Variants in MIB1 observed in about 807,000 individuals in gnomAD.
MIB1 encodes the protein MIB E3 ubiquitin protein ligase 1.
Under a neutral mutation model 124.5 loss-of-function variants are expected in MIB1, and 278 were observed. The observed-to-expected ratio is 2.23, with a 90% CI of 2.02 to 2.47. The LOEUF (loss-of-function observed/expected upper bound fraction) is 2.47, where lower values mean the gene tolerates loss of function less well. Ranked by LOEUF, MIB1 falls within the 30% of genes most tolerant of loss-of-function variation. The pLI, the probability that MIB1 is intolerant of heterozygous loss-of-function variation, is 0.00. For synonymous variants in MIB1, 446 were observed against 429.4 expected (o/e 1.04, Z -0.48); for missense variants, 957 against 1,254.4 (o/e 0.76, Z 3.58).
At chr18:21,820,460 C>T (rs1373093960) in intron 12 of MIB1, among the ~76,000 whole-genome samples, 2 of 152,182 alleles carry the variant, frequency 1.3e-5, no homozygotes, top group Non-Finnish European at 2.9e-5. Flanking sequence ...TTCTTAGGAT[C>T]ACCACTAGAG....
chr18:21,806,900 C>T (rs551318721), intron 10 of MIB1, among the ~76,000 whole-genome samples: 1 of 152,138 alleles, frequency 6.6e-6, no homozygotes, highest in African/African-American at 2.4e-5. Flanking sequence ...GGATTACAGG[C>T]GTGAGCCACC....
intron 1 of MIB1, among the ~76,000 whole-genome samples, chr18:21,733,695 CTTTCTTT>C (rs974009143): frequency 2.0e-4 from 30 of 152,048 alleles, no homozygotes; most frequent in Non-Finnish European, 2.2e-4. Context: ...TCATCTCGTC[CTTTCTTT>C]TTTCTTTTTT....
At chr18:21,774,010 C>T (rs2041252622) in intron 4 of MIB1, among the ~76,000 whole-genome samples, 1 of 152,120 alleles carries the variant, frequency 6.6e-6, no homozygotes, top group African/African-American at 2.4e-5. Flanking sequence ...TCTGTAAGAC[C>T]ATTCCTTGAC....
upstream of MIB1, among the ~76,000 whole-genome samples, chr18:21,739,837 C>T (rs1276320541): frequency 6.6e-6 from 1 of 151,972 alleles, no homozygotes; most frequent in Non-Finnish European, 1.5e-5. Flanking sequence ...ACCCCTTGAA[C>T]CCAGGAGGCG....
rs865884592 is a variant in MIB1 at position 21,803,923 on chromosome 18, C to T, written c.1388C>T (p.Ala463Val). Residue 463 changes from alanine (A) to valine (V), a missense_variant, in exon 10 of 21, where the codon GCT (alanine) becomes GTT (valine). Ala to Val is a moderately conservative substitution (Grantham distance 64, BLOSUM62 0). Transcript: ENST00000261537. ...RPDVDVNGQC[A>V]GHTAMQAASQ... The stretch of plus-strand genomic sequence containing the variant: ...AAAATGTAGGTAAATGGGCAATGTG[C>T]TGGCCACACAGCTATGCAAGCTGCT... The T allele has an allele frequency of 6.2e-7, 1 of 1,612,834 alleles. No homozygotes were observed. The highest frequency in any genetic ancestry group is 8.5e-7 in the Non-Finnish European group (1 of 1,179,248).
intron 10 of MIB1, among the ~76,000 whole-genome samples, chr18:21,815,044 TATATATATATATAA>T (rs1180387599): frequency 8.0e-6 from 1 of 125,642 alleles, no homozygotes; most frequent in African/African-American, 3.4e-5. Context: ...TATATATATA[TATATATATATATAA>T]AATTATATAT....
Position 21,849,249 on chromosome 18 carries a change from T to A in MIB1, c.2447T>A (p.Leu816Ter). The A allele has an allele frequency of 6.2e-7, 1 of 1,610,604 alleles. No individual in the cohort carries two copies. The highest frequency in any genetic ancestry group is 8.5e-7 in the Non-Finnish European group (1 of 1,178,336). The change falls in exon 17 of 21, where the codon TTA (leucine) becomes TAA (stop). Residue 816 changes from leucine (L) to a stop codon, truncating the protein, a stop_gained. Transcript: ENST00000261537. LOFTEE classifies it high-confidence loss of function. Reference sequence around the variant, plus strand: ...ATGATTAGTAATGATTCTGAAACCTTAGAAGAGTGTATGGTGTGCTCAGAT... The same window carrying A: ...ATGATTAGTAATGATTCTGAAACCTAAGAAGAGTGTATGGTGTGCTCAGAT... ...PSMISNDSETLEECMVCSDMK... is the reference protein window; with the variant it reads ...PSMISNDSET
chr18:21,764,734 A>C (rs12964415), intron 1 of MIB1, among the ~76,000 whole-genome samples: 5,974 of 147,550 alleles, frequency 0.04, 272 homozygotes, highest in Admixed American at 0.12. Flanking sequence ...TTTTGAAAAA[A>C]AAAACAAAAC....
intron 1 of MIB1, among the ~76,000 whole-genome samples, chr18:21,750,834 C>T (rs1390843009): frequency 6.6e-6 from 1 of 152,104 alleles, no homozygotes; most frequent in Non-Finnish European, 1.5e-5. Context: ...AAATTAGTCC[C>T]AAATTTTTGT....
chr18:21,850,017 T>G (rs1157658801), intron 17 of MIB1, among the ~76,000 whole-genome samples: 1 of 152,178 alleles, frequency 6.6e-6, no homozygotes, highest in Non-Finnish European at 1.5e-5. Context: ...CTTTACATTA[T>G]GTCCCATCTG....
chr18:21,778,019 C>CTGAA (rs2041311619), intron 4 of MIB1, 84 bp from the exon 5 acceptor site: 1 of 921,834 alleles, frequency 1.1e-6, no homozygotes, highest in African/African-American at 1.6e-5. Flanking sequence ...TGGGTATGTT[C>CTGAA]TGAATGAATA....
intron 15 of MIB1, among the ~76,000 whole-genome samples, chr18:21,846,227 G>C (rs1318418138): frequency 6.6e-6 from 1 of 152,116 alleles, no homozygotes; most frequent in Non-Finnish European, 1.5e-5. Flanking sequence ...AAGTGTTTGA[G>C]ACCTCTGCCT....
rs551715027 is a variant in MIB1, at chr18:21,766,102, A to G, written c.401+159A>G. Among the ~76,000 whole-genome samples, 70 of 152,336 alleles carry G rather than the reference A, an allele frequency of 4.6e-4. No homozygotes were observed. The highest frequency in any genetic ancestry group is 1.5e-3 in the African/African-American group (64 of 41,588). Reference sequence around the variant, plus strand: ...GATAGAAGTGGACCAAATCTGCCATATAACAAGAGAAGAGCTCTTTGAAGA... The same window carrying G: ...GATAGAAGTGGACCAAATCTGCCATGTAACAAGAGAAGAGCTCTTTGAAGA... On this transcript the variant is annotated intron_variant, in intron 2 of 20. Transcript: ENST00000261537.
chr18:21,825,781 A>G (rs1379934496), intron 12 of MIB1: 1 of 518,692 alleles, frequency 1.9e-6, no homozygotes, highest in Non-Finnish European at 4.0e-6. Context: ...CTAGCAAAGC[A>G]TTGTAGTGCT....
Position 21,799,848 on chromosome 18 carries a change from C to G in MIB1, c.1245C>G (p.Leu415=), listed in dbSNP as rs768457898. ...TTATTTGATGCTTTACAGAAAGACT[C>G]TCACAACTCCTGAAGAAATTATTTG... is the stretch of plus-strand genomic sequence containing the variant. ...SAISNASGER[L]SQLLKKLFET... Residue 415 remains leucine (L), a synonymous_variant, in exon 9 of 21, where the codon CTC becomes CTG. Coordinates refer to ENST00000261537, the MANE Select transcript of MIB1 (RefSeq NM_020774.4). The G allele has an allele frequency of 5.6e-6, 9 of 1,609,642 alleles. No individual in the cohort carries two copies. The highest frequency in any genetic ancestry group is 3.3e-5 in the South Asian group (3 of 90,464).
rs1222640949 is a variant in MIB1, at chr18:21,840,647, ATATATATATATATATATATTT to A, written c.1962+2152_1962+2172del. Among the ~76,000 whole-genome samples the A allele has an allele frequency of 2.6e-3, 93 of 36,160 alleles. 4 individuals are homozygous for A. The East Asian group carries it at 0.04, about 15-fold the overall frequency. 23.7% of individuals were successfully genotyped at this position (36,160 alleles called of 152,430 possible). A position where few individuals can be genotyped will look rare whatever the true frequency, so the allele number is the denominator to read the frequency against. ...CTACTGTATATATATATATATATAT[ATATATATATATATATATATTT>A]TTTTTTTTTTTTAATTAGCTGGGTG... On this transcript the variant is annotated intron_variant, in intron 13 of 20. Transcript: ENST00000261537.
intron 4 of MIB1, among the ~76,000 whole-genome samples, chr18:21,776,795 C>A (rs1162025356): frequency 1.3e-5 from 2 of 151,948 alleles, no homozygotes; most frequent in African/African-American, 4.8e-5. Flanking sequence ...ACCAGCCTGG[C>A]CAGCATGGTG....
Position 21,721,159 on chromosome 18 carries a change from G to GTTTTTTTTTTTTTTTTTTT in MIB1, n.167+16057_167+16075dup, listed in dbSNP as rs34277676. Among the ~76,000 whole-genome samples, 2 of 29,764 alleles carry GTTTTTTTTTTTTTTTTTTT rather than the reference G, an allele frequency of 6.7e-5. 1 individual carries two copies. The highest frequency in any genetic ancestry group is 1.5e-4 in the Non-Finnish European group (2 of 13,532). 19.5% of individuals were successfully genotyped at this position (29,764 alleles called of 152,430 possible). A position where few individuals can be genotyped will look rare whatever the true frequency, so the allele number is the denominator to read the frequency against. On this transcript the variant is annotated intron_variant and non_coding_transcript_variant, in intron 1 of 20. Transcript: ENST00000578646. ...TGAAAGATTTAAACATTTTAAAGAA[G>GTTTTTTTTTTTTTTTTTTT]TTTTTTTTTTTTTTTTTTTTTTTTT...
intron 13 of MIB1, 108 bp downstream of exon 13, chr18:21,838,605 C>T (rs2042055295): frequency 2.6e-6 from 2 of 783,210 alleles, no homozygotes; most frequent in Non-Finnish European, 3.9e-6. Context: ...TAGTAGGTTC[C>T]AGTAAAACCT....
Sources: allele counts gnomAD v4.1 joint callset (sites outside exome capture counted in the v4.1 genomes callset), GRCh38; gene constraint gnomAD v4.1.1; transcripts MANE v1.5; gene names NCBI Gene and HGNC (gene_info 2026-07-23, HGNC 2026-07-21).